SPATA16: variants seen among roughly 807,000 people sequenced by gnomAD.
SPATA16 encodes spermatogenesis associated 16.
A neutral mutation model predicts 63.3 loss-of-function variants in SPATA16; 36 were observed. That is an observed-to-expected ratio of 0.57 (90% CI 0.44 to 0.75). SPATA16 has a LOEUF of 0.75. Ranked by LOEUF, SPATA16 falls within the 30% of genes least tolerant of loss-of-function variation. The pLI, the probability that SPATA16 is intolerant of heterozygous loss-of-function variation, is 0.00. For missense variants in SPATA16, 646 were observed against 679.3 expected, an observed-to-expected ratio of 0.95 and a Z score of 0.54; for synonymous variants, 203 against 216.7, an observed-to-expected ratio of 0.94 and a Z score of 0.56.
chr3:173,117,282 T>G lies in SPATA16; in HGVS notation c.450A>C (p.Pro150=), dbSNP rs1414212026. The G allele has an allele frequency of 1.9e-6, 3 of 1,614,188 alleles. No individual in the cohort carries two copies. The South Asian group carries it at 3.3e-5, about 18-fold the overall frequency. The change falls in exon 2 of 11, where the codon CCA becomes CCC. Residue 150 remains proline, a synonymous_variant. Coordinates refer to ENST00000351008, the MANE Select transcript of SPATA16 (RefSeq NM_031955.6). ...VESFMSTGSQ[P]TCQAAEIVDP... Reference sequence around the variant, plus strand: ...CTACTATTTCAGCAGCTTGGCATGTTGGCTGACTCCCAGTAGACATGAAGG... The same window carrying G: ...CTACTATTTCAGCAGCTTGGCATGTGGGCTGACTCCCAGTAGACATGAAGG...
intron 4 of SPATA16, among the ~76,000 whole-genome samples, chr3:172,998,415 TTTATGAGTTTCAG>T (rs1331777383): frequency 3.9e-5 from 6 of 152,148 alleles, no homozygotes; most frequent in Non-Finnish European, 8.8e-5. Context: ...GGTACAATCA[TTTATGAGTTTCAG>T]GAGTTTTCTG....
At chr3:172,964,309 C>T (rs1297503832) in intron 5 of SPATA16, among the ~76,000 whole-genome samples, 6 of 152,120 alleles carry the variant, frequency 3.9e-5, no homozygotes, top group African/African-American at 1.4e-4. Flanking sequence ...ACATATATAA[C>T]TTATAAATAG....
chr3:173,047,126 T>C (rs1560106101), intron 3 of SPATA16, among the ~76,000 whole-genome samples: 1 of 151,940 alleles, frequency 6.6e-6, no homozygotes, highest in Non-Finnish European at 1.5e-5. Context: ...AGCTGATCTT[T>C]GCATTCTCAG....
chr3:173,108,338 A>G (rs1309629209), intron 2 of SPATA16, among the ~76,000 whole-genome samples: 1 of 152,200 alleles, frequency 6.6e-6, no homozygotes, highest in African/African-American at 2.4e-5. Flanking sequence ...GTAAATTTTC[A>G]TGACAATTTA....
chr3:173,087,869 G>T (rs1177859601), intron 2 of SPATA16, among the ~76,000 whole-genome samples: 1 of 152,082 alleles, frequency 6.6e-6, no homozygotes, highest in Non-Finnish European at 1.5e-5. Context: ...CTTCTGGCTT[G>T]TAGGGTTTCC....
At chr3:172,960,083 A>G (rs773242809) in intron 5 of SPATA16, among the ~76,000 whole-genome samples, 1 of 152,036 alleles carries the variant, frequency 6.6e-6, no homozygotes, top group Non-Finnish European at 1.5e-5. Flanking sequence ...TTAGACATTA[A>G]AATATAAAAG....
intron 5 of SPATA16, among the ~76,000 whole-genome samples, chr3:172,965,343 A>G (rs1389080136): frequency 6.6e-6 from 1 of 152,186 alleles, no homozygotes; most frequent in Non-Finnish European, 1.5e-5. Context: ...AGGATTCCAA[A>G]TATATGAAAG....
chr3:172,892,416 A>T (rs976358531), intron 10 of SPATA16, among the ~76,000 whole-genome samples: 1 of 152,214 alleles, frequency 6.6e-6, no homozygotes, highest in African/African-American at 2.4e-5. Flanking sequence ...ATAAAATTCC[A>T]TGACTCACAC....
At chr3:172,971,435 G>A (rs1035582698) in intron 5 of SPATA16, among the ~76,000 whole-genome samples, 2 of 152,166 alleles carry the variant, frequency 1.3e-5, no homozygotes, top group African/African-American at 4.8e-5. Context: ...TCTGTATCAA[G>A]CTGCTTTTTG....
At chr3:173,035,879 T>C (rs755590598) in intron 3 of SPATA16, among the ~76,000 whole-genome samples, 2 of 152,024 alleles carry the variant, frequency 1.3e-5, no homozygotes, top group Non-Finnish European at 2.9e-5. Flanking sequence ...CTGGCTTCTT[T>C]GCAGGAAGCA....
rs1161989321 is a variant in SPATA16, at chr3:172,961,072, TCCTTCCTTCCTTC to T, written c.934-4261_934-4249del. On this transcript the variant is annotated intron_variant, in intron 5 of 10. Transcript: ENST00000351008. ...TCTTCTTTCTTTCTTTCTTCTTTCTTCCTTCCTTCCTTCCTTCCTTCCTTCCTTCCTTCCTTCC... is the reference window on the plus strand; with the variant it reads ...TCTTCTTTCTTTCTTTCTTCTTTCTTCTTCCTTCCTTCCTTCCTTCCTTCC... Among the ~76,000 whole-genome samples the T allele has an allele frequency of 1.5e-3, 175 of 119,320 alleles. 6 individuals are homozygous for T. Among genetic ancestry groups the T allele is most frequent in the African/African-American group, 6.1e-3 (168 of 27,522 alleles). 78.3% of individuals were successfully genotyped at this position (119,320 alleles called of 152,430 possible).
intron 2 of SPATA16, among the ~76,000 whole-genome samples, chr3:173,063,334 G>C (rs1443022475): frequency 6.6e-6 from 1 of 152,182 alleles, no homozygotes; most frequent in Non-Finnish European, 1.5e-5. Flanking sequence ...AATTCAAGAA[G>C]CAGAGAAGGC....
intron 6 of SPATA16, among the ~76,000 whole-genome samples, chr3:172,953,487 A>T (rs1560077468): frequency 6.6e-6 from 1 of 152,196 alleles, no homozygotes; most frequent in Non-Finnish European, 1.5e-5. Context: ...AATCTCAGAG[A>T]GTGGCTCTAG....
intron 3 of SPATA16, among the ~76,000 whole-genome samples, chr3:173,033,624 G>C (rs985027023): frequency 6.6e-6 from 1 of 152,126 alleles, no homozygotes; most frequent in African/African-American, 2.4e-5. Context: ...GAGGATTGGT[G>C]ATGGTGGTTC....
chr3:172,967,928 A>G (rs1214868135), intron 5 of SPATA16, among the ~76,000 whole-genome samples: 4 of 152,230 alleles, frequency 2.6e-5, no homozygotes, highest in African/African-American at 7.2e-5. Context: ...TATAATAGTA[A>G]TGAAAATAAA....
At chr3:172,911,922 G>A (rs557959870) in intron 10 of SPATA16, among the ~76,000 whole-genome samples, 1 of 152,056 alleles carries the variant, frequency 6.6e-6, no homozygotes, top group Non-Finnish European at 1.5e-5. Flanking sequence ...CCACATTTCT[G>A]TAGCCCCTCA....
intron 6 of SPATA16, among the ~76,000 whole-genome samples, chr3:172,949,703 C>CT (rs1456190174): frequency 2.6e-5 from 4 of 151,920 alleles, no homozygotes; most frequent in Non-Finnish European, 4.4e-5. Context: ...ATGAGTTCTG[C>CT]TTGTTTGGAA....
In SPATA16 at chr3:172,956,780, A is replaced by C. The variant is rs1472623156; in HGVS notation, c.978T>G (p.Val326=). Residue 326 remains valine (V), a synonymous_variant, in exon 6 of 11, where the codon GTT becomes GTG. Coordinates refer to ENST00000351008, the MANE Select transcript of SPATA16 (RefSeq NM_031955.6). ...EAITRAESFS[V]MYTPFATKIR... Reference sequence around the variant, plus strand: ...TTTTTGTCGCAAATGGTGTGTACATAACCGAGAAAGATTCAGCTCTGGTGA... The same window carrying C: ...TTTTTGTCGCAAATGGTGTGTACATCACCGAGAAAGATTCAGCTCTGGTGA... The C allele has an allele frequency of 3.1e-6, 5 of 1,613,358 alleles. No individual in the cohort carries two copies. The highest frequency in any genetic ancestry group is 3.4e-6 in the Non-Finnish European group (4 of 1,179,610).
At chr3:173,062,793 G>A (rs7641692) in intron 2 of SPATA16, among the ~76,000 whole-genome samples, 27,544 of 152,090 alleles carry the variant, frequency 0.18, 2,567 homozygotes, top group South Asian at 0.23. Context: ...TTGGAGGGTG[G>A]ATGGTTTCGT....
Sources: gnomAD v4.1 joint callset for allele counts (sites outside exome capture counted in the v4.1 genomes callset) on GRCh38, gnomAD v4.1.1 for gene constraint, MANE v1.5 for transcripts, NCBI Gene and HGNC (gene_info 2026-07-23, HGNC 2026-07-21) for gene names.